The following DMXL2 variants were observed in gnomAD, a reference collection of about 807,000 sequenced individuals.
DMXL2 encodes dmX-like protein 2.
In DMXL2, 103 loss-of-function variants were observed where a neutral mutation model predicts 331.1. The ratio of observed to expected loss-of-function variants is 0.31; its 90% CI spans 0.27 to 0.37. The LOEUF (loss-of-function observed/expected upper bound fraction) is 0.37, where lower values mean the gene tolerates loss of function less well. DMXL2 is among the 10% of genes least tolerant of loss of function. The probability of loss-of-function intolerance (pLI) is 1.00; values close to 1 mark genes in which losing one functional copy is unlikely to be tolerated. For synonymous variants in DMXL2, 1,281 were observed against 1,252.1 expected (o/e 1.02, Z -0.49); for missense variants, 3,171 against 3,642.9 (o/e 0.87, Z 3.33).
intron 6 of DMXL2, among the ~76,000 whole-genome samples, chr15:51,550,647 C>T (rs1242218490): frequency 1.3e-5 from 2 of 152,064 alleles, no homozygotes; most frequent in East Asian, 3.8e-4. Flanking sequence ...AAATTACTTG[C>T]AAATTTTACA....
intron 16 of DMXL2, among the ~76,000 whole-genome samples, chr15:51,503,788 A>G (rs1002942833): frequency 2.0e-5 from 3 of 152,222 alleles, no homozygotes; most frequent in Admixed American, 1.3e-4. Flanking sequence ...TGATCATTAC[A>G]TATTCTATGC....
chr15:51,541,145 A>G (rs1342192282), intron 9 of DMXL2, among the ~76,000 whole-genome samples: 1 of 152,184 alleles, frequency 6.6e-6, no homozygotes, highest in Non-Finnish European at 1.5e-5. Context: ...TTAGAATACA[A>G]TTAAGATATT....
In DMXL2 at chr15:51,576,183, T is replaced by TAAAAAAGAAAAAAA. The variant is rs2051019110; in HGVS notation, c.88-3_88-2insTTTTTTTCTTTTTT. On this transcript the variant is annotated splice_polypyrimidine_tract_variant and splice_region_variant and intron_variant, in intron 1 of 43. Coordinates refer to ENST00000560891, the MANE Select transcript of DMXL2 (RefSeq NM_001378457.1). ...AATATCACAGCCTGATCCATATGCCTAAAAAAAAAAAAAAAAAAAAGTTTT... is the reference window on the plus strand; with the variant it reads ...AATATCACAGCCTGATCCATATGCCTAAAAAAGAAAAAAAAAAAAAAAAAAAAAAAAAAAGTTTT... The TAAAAAAGAAAAAAA allele has an allele frequency of 1.8e-6, 1 of 540,658 alleles. No individual in the cohort carries two copies. Among genetic ancestry groups the TAAAAAAGAAAAAAA allele is most frequent in the Non-Finnish European group, 2.4e-6 (1 of 424,206 alleles). 33.5% of individuals were successfully genotyped at this position (540,658 alleles called of 1,614,324 possible).
intron 13 of DMXL2, among the ~76,000 whole-genome samples, chr15:51,520,622 C>T (rs767572786): frequency 1.9e-4 from 29 of 152,138 alleles, no homozygotes; most frequent in Non-Finnish European, 2.6e-4. Context: ...TTTGGGGGGC[C>T]GAGCTGGGTG....
At chr15:51,514,072 G>A (rs919314993) in intron 15 of DMXL2, among the ~76,000 whole-genome samples, 4 of 151,976 alleles carry the variant, frequency 2.6e-5, no homozygotes, top group Non-Finnish European at 5.9e-5. Context: ...TTCATCATTG[G>A]TCTGAAGCAA....
In DMXL2 at chr15:51,607,208, G is replaced by T. The variant is rs2053648480; in HGVS notation, c.87+15251C>A. Among the ~76,000 whole-genome samples, 4 of 151,940 alleles carry T rather than the reference G, an allele frequency of 2.6e-5. No homozygotes were observed. In the South Asian group the frequency reaches 6.2e-4, roughly 24 times the overall value. On this transcript the variant is annotated intron_variant, in intron 1 of 43. Transcript: ENST00000560891. Reference sequence around the variant, plus strand: ...GCGGTGGCTCACGTCTGTAATCCCAGCACTTTGGGAGGCCGAGGCAGGCGG... The same window carrying T: ...GCGGTGGCTCACGTCTGTAATCCCATCACTTTGGGAGGCCGAGGCAGGCGG...
chr15:51,485,738 A>T (rs555562644), intron 23 of DMXL2, among the ~76,000 whole-genome samples: 1 of 152,346 alleles, frequency 6.6e-6, no homozygotes, highest in African/African-American at 2.4e-5. Context: ...AGGAAAAAAG[A>T]AAATTTACCA....
intron 1 of DMXL2, among the ~76,000 whole-genome samples, chr15:51,589,056 A>T (rs2052085944): frequency 6.6e-6 from 1 of 152,196 alleles, no homozygotes; most frequent in African/African-American, 2.4e-5. Flanking sequence ...GAATTAGAGG[A>T]TGGTCCAGAA....
rs1369135148 is a variant in DMXL2 at position 51,466,228 on chromosome 15, A to G, written c.7476T>C (p.Phe2492=). Residue 2492 remains phenylalanine (F), a synonymous_variant, in exon 30 of 44, where the codon TTT becomes TTC. Transcript: ENST00000560891. ...IHSDEEDDAF[F]SDTQIQEHQD... The stretch of plus-strand genomic sequence containing the variant: ...GGTGCTCCTGTATTTGTGTATCTGA[A>G]AAAAAGGCATCATCTTCTTCATCAC... 8 of 1,581,754 alleles carry G rather than the reference A, an allele frequency of 5.1e-6. No individual in the cohort carries two copies. Among genetic ancestry groups the G allele is most frequent in the Non-Finnish European group, 6.8e-6 (8 of 1,168,406 alleles).
At chr15:51,547,118 TGCCAGAG>T in intron 7 of DMXL2, 105 bp downstream of exon 7, 1 of 699,036 alleles carries the variant, frequency 1.4e-6, no homozygotes, top group Non-Finnish European at 2.1e-6. Context: ...GGCAGCTTGA[TGCCAGAG>T]CCTATGCTAT....
At chr15:51,458,687 G>C (rs1351934562) in intron 35 of DMXL2, 22 bp downstream of exon 35, 6 of 1,613,564 alleles carry the variant, frequency 3.7e-6, no homozygotes, top group Non-Finnish European at 5.1e-6. Context: ...AATACACTGT[G>C]TATAATGATG....
chr15:51,579,231 G>C (rs1199433900), intron 1 of DMXL2, among the ~76,000 whole-genome samples: 1 of 152,170 alleles, frequency 6.6e-6, no homozygotes, highest in African/African-American at 2.4e-5. Flanking sequence ...TGTTGAACCA[G>C]AGTTACGCAA....
intron 6 of DMXL2, among the ~76,000 whole-genome samples, chr15:51,551,750 T>C (rs1007925070): frequency 2.1e-4 from 32 of 152,366 alleles, no homozygotes; most frequent in South Asian, 4.1e-4. Context: ...GCTGGGGATA[T>C]AGCTGAGGCA....
At chr15:51,498,069 C>CA (rs938450273) in intron 18 of DMXL2, among the ~76,000 whole-genome samples, 15 of 151,710 alleles carry the variant, frequency 9.9e-5, no homozygotes, top group East Asian at 3.9e-4. Context: ...CTAGTCCCTA[C>CA]AAAAAAAATA....
At chr15:51,485,965 G>T in intron 23 of DMXL2, 108 bp downstream of exon 23, 1 of 1,222,186 alleles carries the variant, frequency 8.2e-7, no homozygotes, top group Non-Finnish European at 1.1e-6. Flanking sequence ...AATTCTCAAA[G>T]TTGAAAAGCA....
chr15:51,595,965 C>T (rs1327399538), intron 1 of DMXL2, among the ~76,000 whole-genome samples: 2 of 152,144 alleles, frequency 1.3e-5, no homozygotes, highest in African/African-American at 2.4e-5. Context: ...ACCATAAAAA[C>T]CCTAGAAGAA....
chr15:51,575,957 A>G (rs1595583086), intron 2 of DMXL2, 99 bp downstream of exon 2: 1 of 1,262,078 alleles, frequency 7.9e-7, no homozygotes, highest in Non-Finnish European at 1.1e-6. Context: ...AGCAATACAT[A>G]AGAAATTATA....
Position 51,481,535 on chromosome 15 carries a change from G to A in DMXL2, c.5571C>T (p.Ser1857=), listed in dbSNP as rs1309435254. The change falls in exon 24 of 44, where the codon TCC becomes TCT. Residue 1857 remains serine, a synonymous_variant. Coordinates refer to ENST00000560891, the MANE Select transcript of DMXL2 (RefSeq NM_001378457.1). ...CTAAGGTTGCCAAAGTTCCTTCAGGGGAGGCAAGATTTCTTCGAATGAGCA... is the reference window on the plus strand; with the variant it reads ...CTAAGGTTGCCAAAGTTCCTTCAGGAGAGGCAAGATTTCTTCGAATGAGCA... ...HPLLIRRNLA[S]PEGTLATLGL... The A allele has an allele frequency of 3.1e-6, 5 of 1,612,062 alleles. No homozygotes were observed. In the South Asian group the frequency reaches 4.4e-5, roughly 14 times the overall value.
intron 1 of DMXL2, among the ~76,000 whole-genome samples, chr15:51,613,415 G>C (rs183316957): frequency 6.6e-6 from 1 of 152,126 alleles, no homozygotes; most frequent in African/African-American, 2.4e-5. Context: ...CTGTCCCTCC[G>C]TTTAGGGTCC....
Sources: allele counts gnomAD v4.1 joint callset (sites outside exome capture counted in the v4.1 genomes callset), GRCh38; gene constraint gnomAD v4.1.1; transcripts MANE v1.5; gene names NCBI Gene and HGNC (gene_info 2026-07-23, HGNC 2026-07-21).